FAM20B: variants seen among roughly 807,000 people sequenced by gnomAD.
FAM20B encodes the protein glycosaminoglycan xylosylkinase.
FAM20B carries 23 observed loss-of-function variants against 43.8 expected under a neutral mutation model. The observed-to-expected ratio is 0.53, with a 90% CI of 0.38 to 0.74. FAM20B has a LOEUF of 0.74. Among genes scored for constraint, FAM20B ranks in the 30% least tolerant of loss-of-function variants. The pLI is 0.00. For synonymous variants in FAM20B, 178 were observed against 192.4 expected (o/e 0.93, Z 0.62); for missense variants, 440 against 510.5 (o/e 0.86, Z 1.33).
upstream of FAM20B, among the ~76,000 whole-genome samples, chr1:179,021,949 T>C (rs923914530): frequency 5.5e-4 from 83 of 152,232 alleles, 1 homozygote; most frequent in Admixed American, 5.4e-3. Flanking sequence ...ACTTTCAGAA[T>C]CCACAGCCCG....
In FAM20B at chr1:179,035,711, C is replaced by G. The variant is rs76165564; in HGVS notation, c.-133-8004C>G. 1,405 of 324,134 alleles carry G rather than the reference C, an allele frequency of 4.3e-3. 8 individuals carry two copies. The highest frequency in any genetic ancestry group is 6.1e-3 in the Non-Finnish European group (1,041 of 170,756). The allele number at this position is 324,134 out of a possible 1,614,324, so 20.1% of individuals were successfully genotyped here. On this transcript the variant is annotated intron_variant, in intron 1 of 7. Coordinates refer to ENST00000263733, the MANE Select transcript of FAM20B (RefSeq NM_014864.4). ...AAGAAGACTTTACATTAAGACCTCA[C>G]TTTTTTTCTGTGGAATCTATATCTC...
chr1:179,051,105 G>T (rs1244696185), intron 3 of FAM20B, among the ~76,000 whole-genome samples: 1 of 145,822 alleles, frequency 6.9e-6, no homozygotes, highest in African/African-American at 2.6e-5. Context: ...CTGGGCGACA[G>T]AGCGAGACTC....
intron 1 of FAM20B, among the ~76,000 whole-genome samples, chr1:179,036,444 C>G (rs868552458): frequency 6.6e-6 from 1 of 152,140 alleles, no homozygotes; most frequent in African/African-American, 2.4e-5. Context: ...CATTGTTGCA[C>G]TGTTTGAAGC....
chr1:179,028,359 G>A (rs1392525564), intron 1 of FAM20B, among the ~76,000 whole-genome samples: 3 of 152,132 alleles, frequency 2.0e-5, no homozygotes, highest in Non-Finnish European at 2.9e-5. Context: ...CGAGGCAGGC[G>A]GATCACGAGG....
Position 179,072,084 on chromosome 1 carries a change from C to T in FAM20B, c.1170C>T (p.Thr390=), listed in dbSNP as rs1175105131. The change falls in exon 8 of 8, where the codon ACC becomes ACT. Residue 390 remains threonine, a synonymous_variant. Transcript: ENST00000263733. ...LSVLATVKQC[T]DQFGMDTVLV... The stretch of plus-strand genomic sequence containing the variant: ...TCCTGGCCACCGTGAAGCAGTGCAC[C>T]GACCAGTTTGGGATGGACACAGTAC... 7.4e-6 allele frequency: 12 copies of T among 1,614,012 alleles called. No individual in the cohort carries two copies. Among genetic ancestry groups the T allele is most frequent in the Middle Eastern group, 1.6e-4 (1 of 6,084 alleles).
chr1:179,059,277 G>A (rs1200945673), intron 4 of FAM20B, among the ~76,000 whole-genome samples: 3 of 152,176 alleles, frequency 2.0e-5, no homozygotes, highest in Non-Finnish European at 4.4e-5. Flanking sequence ...AAGGTAGATC[G>A]AACCATGTTA....
rs1475734123 is a variant in FAM20B at position 179,073,170 on chromosome 1, A to T, written c.*1026A>T. On this transcript the variant is annotated 3_prime_UTR_variant, in exon 8 of 8. Transcript: ENST00000263733. ...AGCTGCTGTTCCCAAGAGATCGGCA[A>T]CCTTTTTGTCCCTTTCTCATAAGAA... is the stretch of plus-strand genomic sequence containing the variant. The T allele has an allele frequency of 6.6e-6, 1 of 151,880 alleles. No individual in the cohort carries two copies. The highest frequency in any genetic ancestry group is 2.4e-5 in the African/African-American group (1 of 41,380). The allele number at this position is 151,880 out of a possible 1,614,324, so 9.4% of individuals were successfully genotyped here. A position where few individuals can be genotyped will look rare whatever the true frequency, so the allele number is the denominator to read the frequency against.
chr1:179,060,653 A>G (rs1248610310), intron 4 of FAM20B, among the ~76,000 whole-genome samples: 1 of 152,180 alleles, frequency 6.6e-6, no homozygotes, highest in Non-Finnish European at 1.5e-5. Context: ...TCTGTGGAAA[A>G]TTGTCTTCCA....
At position 179,073,612 on chromosome 1, in the gene FAM20B, C is replaced by CT. The variant is rs1044980365; in HGVS notation, c.*1468_*1469insT. ...TGCTGGGATTACAGGCATGAGCCAC[C>CT]GTGGCCGGCCAAGATTTTAAGCCTT... On this transcript the variant is annotated 3_prime_UTR_variant, in exon 8 of 8. Coordinates refer to ENST00000263733, the MANE Select transcript of FAM20B (RefSeq NM_014864.4). 2 of 152,136 alleles carry CT rather than the reference C, an allele frequency of 1.3e-5. No homozygotes were observed. The highest frequency in any genetic ancestry group is 1.5e-5 in the Non-Finnish European group (1 of 68,030). The allele number at this position is 152,136 out of a possible 1,614,324, so 9.4% of individuals were successfully genotyped here. A position where few individuals can be genotyped will look rare whatever the true frequency, so the allele number is the denominator to read the frequency against.
chr1:179,048,494 T>C (rs1650873181), intron 2 of FAM20B, among the ~76,000 whole-genome samples: 1 of 152,236 alleles, frequency 6.6e-6, no homozygotes, highest in South Asian at 2.1e-4. Flanking sequence ...AGCTCTCTAA[T>C]GTTTCACTGA....
chr1:179,032,117 A>T (rs760760705), intron 1 of FAM20B, among the ~76,000 whole-genome samples: 1 of 152,194 alleles, frequency 6.6e-6, no homozygotes, highest in Admixed American at 6.5e-5. Context: ...TAGTAATGCA[A>T]TGTGTGGATT....
intron 7 of FAM20B, among the ~76,000 whole-genome samples, chr1:179,070,347 G>C (rs1487392550): frequency 6.6e-6 from 1 of 151,948 alleles, no homozygotes; most frequent in Non-Finnish European, 1.5e-5. Context: ...TACCTGGCCA[G>C]ACTGTGTAAT....
intron 4 of FAM20B, among the ~76,000 whole-genome samples, chr1:179,055,690 A>G (rs112049740): frequency 2.0e-5 from 3 of 152,214 alleles, no homozygotes; most frequent in Non-Finnish European, 4.4e-5. Flanking sequence ...CTGCTCTTCA[A>G]AGGCTCACAG....
intron 1 of FAM20B, among the ~76,000 whole-genome samples, chr1:179,031,328 T>G (rs542701510): frequency 6.6e-6 from 1 of 152,242 alleles, no homozygotes; most frequent in Non-Finnish European, 1.5e-5. Flanking sequence ...TTGTTACTCA[T>G]TTCCACGTAG....
At chr1:179,035,704 G>T in intron 1 of FAM20B, 1 of 332,990 alleles carries the variant, frequency 3.0e-6, no homozygotes, top group Non-Finnish European at 5.7e-6. Flanking sequence ...TTTACATTAA[G>T]ACCTCACTTT....
rs1437014162 is a variant in FAM20B at position 179,075,756 on chromosome 1, T to C, written c.*3612T>C. On this transcript the variant is annotated 3_prime_UTR_variant, in exon 8 of 8. Transcript: ENST00000263733. ...AAGCCAGCATTATCTTCCAAAGAAA[T>C]CGATCTTTTTTTTCTAAAAAAAAAA... 3 of 152,170 alleles carry C rather than the reference T, an allele frequency of 2.0e-5. No homozygotes were observed. The highest frequency in any genetic ancestry group is 4.4e-5 in the Non-Finnish European group (3 of 67,952). 9.4% of individuals were successfully genotyped at this position (152,170 alleles called of 1,614,324 possible).
rs552730443 is a variant in FAM20B, at chr1:179,060,233, A to T, written c.575-3694A>T. ...AAGAGCTTCATTGTTTTGTTGTTTCACACTGCAAAGTGTTCCATTATTTGG... is the reference window on the plus strand; with the variant it reads ...AAGAGCTTCATTGTTTTGTTGTTTCTCACTGCAAAGTGTTCCATTATTTGG... On this transcript the variant is annotated intron_variant, in intron 4 of 7. Transcript: ENST00000263733. Among the ~76,000 whole-genome samples, 3 of 152,264 alleles carry T rather than the reference A, an allele frequency of 2.0e-5. No homozygotes were observed. The South Asian group carries it at 6.2e-4, about 32-fold the overall frequency.
intron 2 of FAM20B, 126 bp downstream of exon 2, chr1:179,044,350 A>G: frequency 9.7e-7 from 1 of 1,026,326 alleles, no homozygotes; most frequent in Admixed American, 2.7e-5. Flanking sequence ...GGTAGACTAG[A>G]TCTCTAAAGT....
upstream of FAM20B, among the ~76,000 whole-genome samples, chr1:179,020,978 G>A (rs1412708203): frequency 6.6e-6 from 1 of 152,220 alleles, no homozygotes; most frequent in Non-Finnish European, 1.5e-5. Context: ...GGCTGAGGCA[G>A]GAGAATCGCT....
Sources: gnomAD v4.1 joint callset for allele counts (sites outside exome capture counted in the v4.1 genomes callset) on GRCh38, gnomAD v4.1.1 for gene constraint, MANE v1.5 for transcripts, NCBI Gene and HGNC (gene_info 2026-07-23, HGNC 2026-07-21) for gene names.